Variants in OPA1 observed in about 807,000 individuals in gnomAD.
OPA1 encodes dynamin-like GTPase OPA1, mitochondrial.
Under a neutral mutation model 152.9 loss-of-function variants are expected in OPA1, and 59 were observed. That is an observed-to-expected ratio of 0.39 (90% CI 0.31 to 0.48). OPA1 has a LOEUF of 0.48. OPA1 is among the 20% of genes least tolerant of loss of function. The pLI, the probability that OPA1 is intolerant of heterozygous loss-of-function variation, is 0.96. For synonymous variants in OPA1, 400 were observed against 389.9 expected (o/e 1.03, Z -0.31); for missense variants, 1,008 against 1,216.8 (o/e 0.83, Z 2.55).
At chr3:193,633,284 C>T (rs1483521997) in intron 8 of OPA1, among the ~76,000 whole-genome samples, 1 of 152,122 alleles carries the variant, frequency 6.6e-6, no homozygotes, top group Non-Finnish European at 1.5e-5. Context: ...TTTTAAATGC[C>T]CTCAAGATAA....
At chr3:193,654,830 G>A in intron 21 of OPA1, 32 bp from the exon 22 acceptor site, 1 of 1,605,222 alleles carries the variant, frequency 6.2e-7, no homozygotes, top group Non-Finnish European at 8.5e-7. Flanking sequence ...ATTATATTTA[G>A]ATTTGGTGCT....
chr3:193,629,639 C>T (rs1731754078), intron 7 of OPA1, among the ~76,000 whole-genome samples: 1 of 151,802 alleles, frequency 6.6e-6, no homozygotes, highest in Admixed American at 6.6e-5. Context: ...GGCAGAGCTT[C>T]CAGCCTGGGC....
intron 21 of OPA1, among the ~76,000 whole-genome samples, chr3:193,649,264 A>T (rs1376537424): frequency 6.6e-6 from 1 of 152,182 alleles, no homozygotes; most frequent in Non-Finnish European, 1.5e-5. Context: ...GCTTTCTGTA[A>T]CATGTGGTTA....
intron 6 of OPA1, among the ~76,000 whole-genome samples, chr3:193,622,223 A>ATTTT (rs1162240613): frequency 1.4e-4 from 15 of 109,088 alleles, no homozygotes; most frequent in South Asian, 3.0e-4. Flanking sequence ...TATTACTCTC[A>ATTTT]TTCTTTTTTT....
chr3:193,639,023 GA>G (rs1359142548), intron 11 of OPA1, among the ~76,000 whole-genome samples: 1 of 150,440 alleles, frequency 6.6e-6, no homozygotes, highest in Admixed American at 6.6e-5. Context: ...AATGATGCAA[GA>G]GAGAGGGAAA....
At chr3:193,675,336 A>AAAC (rs1560060445) in intron 29 of OPA1, among the ~76,000 whole-genome samples, 1 of 121,546 alleles carries the variant, frequency 8.2e-6, no homozygotes, top group East Asian at 2.3e-4. Context: ...AGAAAAAAAA[A>AAAC]AAAAAAAAAA....
intron 1 of OPA1, among the ~76,000 whole-genome samples, chr3:193,609,771 G>A (rs532368867): frequency 2.0e-4 from 31 of 151,918 alleles, no homozygotes; most frequent in Non-Finnish European, 3.1e-4. Context: ...TTCTCTTCCC[G>A]CTTCATTTCA....
chr3:193,665,002 G>T lies in OPA1; in HGVS notation c.2778+6G>T. ...GGCATTTTGTAGATTCTGAGGTAAG[G>T]TTTCCAAAAACAAAGAGAAGTATTT... On this transcript the variant is annotated splice_donor_region_variant and intron_variant, in intron 27 of 30. Coordinates refer to ENST00000361510, the MANE Select transcript of OPA1 (RefSeq NM_130837.3). The T allele has an allele frequency of 6.9e-7, 1 of 1,453,624 alleles. No homozygotes were observed. The highest frequency in any genetic ancestry group is 9.7e-7 in the Non-Finnish European group (1 of 1,034,594). 90.0% of individuals were successfully genotyped at this position (1,453,624 alleles called of 1,614,324 possible).
intron 1 of OPA1, among the ~76,000 whole-genome samples, chr3:193,608,787 A>C (rs1312780037): frequency 1.3e-5 from 2 of 151,880 alleles, no homozygotes; most frequent in Non-Finnish European, 2.9e-5. Flanking sequence ...TGGTCTGTCT[A>C]ATGTTGACAG....
chr3:193,654,806 T>C, intron 21 of OPA1, 56 bp from the exon 22 acceptor site: 11 of 1,557,826 alleles, frequency 7.1e-6, no homozygotes, highest in Non-Finnish European at 9.7e-6. Flanking sequence ...AGTCAAGCTG[T>C]TTTTAAAAAC....
Position 193,691,890 on chromosome 3 carries a change from A to G in OPA1, c.2984-173A>G, listed in dbSNP as rs971918289. The G allele has an allele frequency of 1.3e-4, 70 of 550,204 alleles. 1 individual carries two copies. In the East Asian group the frequency reaches 2.1e-3, roughly 16 times the overall value. 34.1% of individuals were successfully genotyped at this position (550,204 alleles called of 1,614,324 possible). On this transcript the variant is annotated intron_variant, in intron 29 of 30. Coordinates refer to ENST00000361510, the MANE Select transcript of OPA1 (RefSeq NM_130837.3). ...CTCCCACTTCCAAAAAATGTCTGAG[A>G]CCTACTACTATAATCCATCTGGACT... is the stretch of plus-strand genomic sequence containing the variant.
chr3:193,656,975 T>C (rs1051066918), intron 22 of OPA1, 105 bp from the exon 23 acceptor site: 9 of 996,174 alleles, frequency 9.0e-6, no homozygotes, highest in African/African-American at 1.7e-5. Context: ...TCTGATAAGC[T>C]GATTTATTTA....
chr3:193,657,956 G>A (rs1714255118), intron 23 of OPA1, among the ~76,000 whole-genome samples: 1 of 152,130 alleles, frequency 6.6e-6, no homozygotes, highest in African/African-American at 2.4e-5. Context: ...AGAAGTGTTT[G>A]TCTTTATGGC....
In OPA1 at chr3:193,618,932, G is replaced by GA; in HGVS notation, c.677dup (p.Leu228SerfsTer4). On this transcript the variant is annotated frameshift_variant, in exon 6 of 31. Coordinates refer to ENST00000361510, the MANE Select transcript of OPA1 (RefSeq NM_130837.3). LOFTEE classifies it high-confidence loss of function. Reference sequence around the variant, plus strand: ...GGATCTGAAAGTGACAAGCATTTTAGAAAGGTAAGTGTAAAAGAGAATTGT... The same window carrying GA: ...GGATCTGAAAGTGACAAGCATTTTAGAAAAGGTAAGTGTAAAAGAGAATTGT... 1 of 1,612,666 alleles carries GA rather than the reference G, an allele frequency of 6.2e-7. No homozygotes were observed. The highest frequency in any genetic ancestry group is 2.2e-5 in the East Asian group (1 of 44,852).
At chr3:193,636,643 G>A (rs759365653) in intron 9 of OPA1, among the ~76,000 whole-genome samples, 55 of 151,990 alleles carry the variant, frequency 3.6e-4, no homozygotes, top group Non-Finnish European at 6.8e-4. Flanking sequence ...AGCAAGAAAC[G>A]ATACAGGATA....
intron 6 of OPA1, among the ~76,000 whole-genome samples, chr3:193,623,774 A>G (rs1185608471): frequency 6.6e-6 from 1 of 152,202 alleles, no homozygotes; most frequent in Non-Finnish European, 1.5e-5. Flanking sequence ...TGTATCTTGC[A>G]CAGTAGGTGC....
At chr3:193,625,904 T>G (rs2108941225) in intron 6 of OPA1, among the ~76,000 whole-genome samples, 188 bp from the exon 7 acceptor site, 1 of 152,298 alleles carries the variant, frequency 6.6e-6, no homozygotes, top group East Asian at 1.9e-4. Context: ...CTGAGACATC[T>G]GATTTACTGA....
At chr3:193,609,932 C>T (rs1727930003) in intron 1 of OPA1, among the ~76,000 whole-genome samples, 1 of 120,440 alleles carries the variant, frequency 8.3e-6, no homozygotes, top group Non-Finnish European at 1.8e-5. Context: ...TCTAGTTAGC[C>T]GTTCGTCGAA....
intron 1 of OPA1, among the ~76,000 whole-genome samples, chr3:193,600,005 G>A (rs370497041): frequency 6.6e-6 from 1 of 152,302 alleles, no homozygotes; most frequent in East Asian, 1.9e-4. Context: ...AAGTATGGCC[G>A]CTGGGATTGG....
Sources: gnomAD v4.1 joint callset for allele counts (sites outside exome capture counted in the v4.1 genomes callset) on GRCh38, gnomAD v4.1.1 for gene constraint, MANE v1.5 for transcripts, NCBI Gene and HGNC (gene_info 2026-07-23, HGNC 2026-07-21) for gene names.